Variants in SH3RF3 observed in about 807,000 individuals in gnomAD.
The protein encoded by SH3RF3 is SH3 domain containing ring finger 3, also known as E3 ubiquitin-protein ligase SH3RF3.
In SH3RF3, 29 loss-of-function variants were observed where a neutral mutation model predicts 66.3. The ratio of observed to expected loss-of-function variants is 0.44; its 90% CI spans 0.33 to 0.60. The LOEUF is 0.60. Among genes scored for constraint, SH3RF3 ranks in the 20% least tolerant of loss-of-function variants. SH3RF3 has a pLI of 0.04. For synonymous variants in SH3RF3, 583 were observed against 532.0 expected (o/e 1.10, Z -1.32); for missense variants, 1,194 against 1,190.9 (o/e 1.00, Z -0.04).
At chr2:109,135,536 C>T (rs1413184062) in intron 1 of SH3RF3, among the ~76,000 whole-genome samples, 4 of 152,188 alleles carry the variant, frequency 2.6e-5, no homozygotes, top group African/African-American at 7.2e-5. Flanking sequence ...GTTCCTAATA[C>T]GAAAATCTTC....
chr2:109,374,299 G>A (rs1451026061), intron 3 of SH3RF3, among the ~76,000 whole-genome samples: 1 of 152,184 alleles, frequency 6.6e-6, no homozygotes, highest in Non-Finnish European at 1.5e-5. Flanking sequence ...TGGGCTCCAC[G>A]CCACACACCC....
At chr2:109,459,949 A>G (rs1678168620) in intron 8 of SH3RF3, among the ~76,000 whole-genome samples, 2 of 152,240 alleles carry the variant, frequency 1.3e-5, no homozygotes, top group African/African-American at 4.8e-5. Flanking sequence ...GATTCAGAGC[A>G]TACCCAGCCT....
At chr2:109,345,366 G>A (rs1018384764) in intron 1 of SH3RF3, among the ~76,000 whole-genome samples, 102 of 152,294 alleles carry the variant, frequency 6.7e-4, no homozygotes, top group South Asian at 6.2e-4. Context: ...AGCACGAGCC[G>A]GCCGCAGAAG....
chr2:109,201,170 C>T (rs934440700), intron 1 of SH3RF3, among the ~76,000 whole-genome samples: 3 of 152,270 alleles, frequency 2.0e-5, no homozygotes, highest in Non-Finnish European at 4.4e-5. Context: ...CCGGCGGCCT[C>T]TGCATGGCTG....
chr2:109,331,486 G>A (rs1215742692), intron 1 of SH3RF3, among the ~76,000 whole-genome samples: 3 of 151,994 alleles, frequency 2.0e-5, no homozygotes, highest in East Asian at 3.9e-4. Flanking sequence ...CAGGGCTCCC[G>A]CGTCTACTCC....
intron 7 of SH3RF3, among the ~76,000 whole-genome samples, chr2:109,441,784 C>T (rs1677570969): frequency 6.6e-6 from 1 of 151,936 alleles, no homozygotes; most frequent in Non-Finnish European, 1.5e-5. Context: ...ATAAAGAAAA[C>T]ACTGAAAACA....
intron 2 of SH3RF3, among the ~76,000 whole-genome samples, chr2:109,360,063 C>CAAAAAAA (rs35020112): frequency 2.2e-5 from 3 of 135,154 alleles, no homozygotes; most frequent in Non-Finnish European, 4.8e-5. Flanking sequence ...TTCCTTGCAC[C>CAAAAAAA]AAAAAAAAAA....
chr2:109,432,513 C>G lies in SH3RF3; in HGVS notation c.1416C>G (p.Leu472=). The G allele has an allele frequency of 1.9e-6, 3 of 1,613,460 alleles. No individual in the cohort carries two copies. Among genetic ancestry groups the G allele is most frequent in the Non-Finnish European group, 1.7e-6 (2 of 1,179,764 alleles). The change falls in exon 6 of 10, where the codon CTC becomes CTG. Residue 472 remains leucine (L), a synonymous_variant. Coordinates refer to ENST00000309415, the MANE Select transcript of SH3RF3 (RefSeq NM_001099289.3). ...GCTTTGCCCGCAGGTACCTGGCGCTCTACGCCTACAAGCCCCAGAAGAGTG... is the reference window on the plus strand; with the variant it reads ...GCTTTGCCCGCAGGTACCTGGCGCTGTACGCCTACAAGCCCCAGAAGAGTG... ...VQLPLNVYLA[L]YAYKPQKSDE...
chr2:109,140,481 C>T (rs566459092), intron 1 of SH3RF3, among the ~76,000 whole-genome samples: 1 of 152,096 alleles, frequency 6.6e-6, no homozygotes, highest in African/African-American at 2.4e-5. Context: ...CCCAGGTTCA[C>T]ACCATTCTCC....
chr2:109,252,384 T>A (rs1680114164), intron 1 of SH3RF3, among the ~76,000 whole-genome samples: 2 of 152,236 alleles, frequency 1.3e-5, no homozygotes, highest in South Asian at 4.1e-4. Flanking sequence ...CTCAAAATTT[T>A]CTGAACTTAA....
intron 1 of SH3RF3, among the ~76,000 whole-genome samples, chr2:109,165,047 C>T (rs1196850315): frequency 6.6e-6 from 1 of 152,146 alleles, no homozygotes; most frequent in Admixed American, 6.5e-5. Flanking sequence ...AATCATTTTC[C>T]ATCTCTGTTG....
At chr2:109,150,432 T>C (rs991500743) in intron 1 of SH3RF3, among the ~76,000 whole-genome samples, 2 of 152,222 alleles carry the variant, frequency 1.3e-5, no homozygotes, top group African/African-American at 4.8e-5. Flanking sequence ...GGAACTACTC[T>C]GCTCATTATT....
At chr2:109,216,751 GCATA>G (rs1679109297) in intron 1 of SH3RF3, among the ~76,000 whole-genome samples, 1 of 152,184 alleles carries the variant, frequency 6.6e-6, no homozygotes, top group South Asian at 2.1e-4. Flanking sequence ...ATTTAAATTG[GCATA>G]CAAATATATT....
Position 109,355,656 on chromosome 2 carries a change from T to G in SH3RF3, c.849+7707T>G, listed in dbSNP as rs183562692. ...CAGCGTGGCTTTCCTCTTCGGCCAT[T>G]GGGAGCCTCTGGTATTGAGTGTGCA... On this transcript the variant is annotated intron_variant, in intron 2 of 9. Coordinates refer to ENST00000309415, the MANE Select transcript of SH3RF3 (RefSeq NM_001099289.3). 2.6e-5 allele frequency among the ~76,000 whole-genome samples: 4 copies of G among 152,284 alleles called. No homozygotes were observed. The East Asian group carries it at 5.8e-4, about 22-fold the overall frequency.
chr2:109,285,264 G>A (rs1317303406), intron 1 of SH3RF3, among the ~76,000 whole-genome samples: 3 of 152,252 alleles, frequency 2.0e-5, no homozygotes, highest in East Asian at 1.9e-4. Context: ...GTGAAGGGCA[G>A]GACAGCTTCC....
At chr2:109,167,180 C>T (rs116882972) in intron 1 of SH3RF3, among the ~76,000 whole-genome samples, 1 of 152,184 alleles carries the variant, frequency 6.6e-6, no homozygotes, top group East Asian at 1.9e-4. Context: ...CCATTTTTTC[C>T]AGAACCAGGA....
chr2:109,237,695 A>C (rs149989982), intron 1 of SH3RF3, among the ~76,000 whole-genome samples: 1,532 of 152,310 alleles, frequency 0.01, 11 homozygotes, highest in South Asian at 0.024. Flanking sequence ...CCCAGGGAAG[A>C]CAAAAGATTG....
intron 2 of SH3RF3, among the ~76,000 whole-genome samples, chr2:109,350,716 C>T (rs1477425328): frequency 2.6e-5 from 4 of 152,256 alleles, no homozygotes; most frequent in Admixed American, 6.5e-5. Context: ...GCAGCTGAGA[C>T]GCACACACTG....
chr2:109,440,235 G>A (rs1311981838), intron 7 of SH3RF3, among the ~76,000 whole-genome samples: 1 of 152,230 alleles, frequency 6.6e-6, no homozygotes, highest in Non-Finnish European at 1.5e-5. Context: ...TCTGAAAGGT[G>A]GGTAGAGCTC....
Sources: allele counts gnomAD v4.1 joint callset (sites outside exome capture counted in the v4.1 genomes callset), GRCh38; gene constraint gnomAD v4.1.1; transcripts MANE v1.5; gene names NCBI Gene and HGNC (gene_info 2026-07-23, HGNC 2026-07-21).